Variants in TBC1D8 observed in about 807,000 individuals in gnomAD.
The protein encoded by TBC1D8 is BUB2-like protein 1.
A neutral mutation model predicts 118.8 loss-of-function variants in TBC1D8; 65 were observed. The ratio of observed to expected loss-of-function variants is 0.55; its 90% CI spans 0.45 to 0.67. TBC1D8 has a LOEUF of 0.67. Among genes scored for constraint, TBC1D8 ranks in the 30% least tolerant of loss-of-function variants. The pLI is 0.00. For synonymous variants in TBC1D8, 566 were observed against 595.8 expected (o/e 0.95, Z 0.73); for missense variants, 1,376 against 1,471.2 (o/e 0.94, Z 1.06).
At chr2:101,026,011 A>G (rs1037956682) in intron 15 of TBC1D8, among the ~76,000 whole-genome samples, 8 of 152,236 alleles carry the variant, frequency 5.3e-5, no homozygotes, top group Non-Finnish European at 1.2e-4. Context: ...AGGAAGGATA[A>G]AAACAGGAAA....
chr2:101,040,761 C>T (rs188328563), intron 5 of TBC1D8, among the ~76,000 whole-genome samples: 4 of 152,364 alleles, frequency 2.6e-5, no homozygotes, highest in East Asian at 1.9e-4. Context: ...TGAGCCACCG[C>T]GCCCAGCCAA....
intron 1 of TBC1D8, among the ~76,000 whole-genome samples, chr2:101,096,975 G>A (rs538897728): frequency 3.9e-5 from 6 of 152,018 alleles, no homozygotes; most frequent in South Asian, 4.1e-4. Context: ...ACCACAGATC[G>A]AAAAAGAACA....
At position 101,038,533 on chromosome 2, in the gene TBC1D8, C is replaced by G. The variant is rs540811181; in HGVS notation, c.1203G>C (p.Ala401=). ...GGACCTGCTTCAACCTCGCAAGCAGCGCCTCCACCAGGCTGTCTCGGTCCC... is the reference window on the plus strand; with the variant it reads ...GGACCTGCTTCAACCTCGCAAGCAGGGCCTCCACCAGGCTGTCTCGGTCCC... The part of the protein sequence containing the change: ...ELRDRDSLVE[A]LLARLKQVHA... Residue 401 remains alanine (A), a synonymous_variant, in exon 7 of 20, where the codon GCG becomes GCC. Coordinates refer to ENST00000409318, the MANE Select transcript of TBC1D8 (RefSeq NM_001330348.2). The G allele has an allele frequency of 6.2e-7, 1 of 1,613,778 alleles. No homozygotes were observed. The highest frequency in any genetic ancestry group is 1.7e-5 in the Admixed American group (1 of 60,020).
intron 1 of TBC1D8, among the ~76,000 whole-genome samples, chr2:101,148,372 C>G (rs1261995988): frequency 1.3e-5 from 2 of 152,108 alleles, no homozygotes; most frequent in Admixed American, 6.5e-5. Context: ...GTTTCCTGAA[C>G]AAATATGCTG....
chr2:101,124,809 G>A (rs750840064), intron 1 of TBC1D8, among the ~76,000 whole-genome samples: 38 of 152,208 alleles, frequency 2.5e-4, no homozygotes, highest in Admixed American at 5.9e-4. Flanking sequence ...ACTACAATCA[G>A]AGAGTGATGA....
intron 15 of TBC1D8, among the ~76,000 whole-genome samples, chr2:101,026,702 C>A (rs568110441): frequency 7.9e-5 from 12 of 152,314 alleles, no homozygotes; most frequent in African/African-American, 2.9e-4. Flanking sequence ...CAGGAGTCCA[C>A]AACGTGCCTG....
At chr2:101,129,302 G>A (rs1207642942) in intron 1 of TBC1D8, among the ~76,000 whole-genome samples, 3 of 151,908 alleles carry the variant, frequency 2.0e-5, no homozygotes, top group Non-Finnish European at 4.4e-5. Flanking sequence ...CACCACACCT[G>A]GCTAATGTTT....
chr2:101,117,821 C>A (rs781297156), intron 1 of TBC1D8, among the ~76,000 whole-genome samples: 1 of 150,612 alleles, frequency 6.6e-6, no homozygotes, highest in Non-Finnish European at 1.5e-5. Flanking sequence ...GTGATCCGCC[C>A]GGCTCGGCCT....
At chr2:101,012,738 A>C (rs1206453207) in intron 17 of TBC1D8, among the ~76,000 whole-genome samples, 1 of 152,234 alleles carries the variant, frequency 6.6e-6, no homozygotes, top group East Asian at 1.9e-4. Flanking sequence ...ATGACAGGGA[A>C]GGTTCCCCAT....
intron 1 of TBC1D8, among the ~76,000 whole-genome samples, chr2:101,100,406 A>G (rs1440065043): frequency 6.6e-6 from 1 of 152,214 alleles, no homozygotes; most frequent in Non-Finnish European, 1.5e-5. Flanking sequence ...ATGGATAGGA[A>G]GAATCAATAT....
rs1450670952 is a variant in TBC1D8 at position 101,085,651 on chromosome 2, GC to G, written c.283+4557del. ...CTAAAGAAAATGAATGGATGAGAACGCAAGGTTCCAAAGAAGAGATTCTGTG... is the reference window on the plus strand; with the variant it reads ...CTAAAGAAAATGAATGGATGAGAACGAAGGTTCCAAAGAAGAGATTCTGTG... On this transcript the variant is annotated intron_variant, in intron 2 of 19. Transcript: ENST00000409318. Among the ~76,000 whole-genome samples, 5 of 152,260 alleles carry G rather than the reference GC, an allele frequency of 3.3e-5. No individual in the cohort carries two copies. The East Asian group carries it at 9.7e-4, about 29-fold the overall frequency.
intron 1 of TBC1D8, among the ~76,000 whole-genome samples, chr2:101,094,527 A>G (rs1171319911): frequency 6.6e-6 from 1 of 152,220 alleles, no homozygotes; most frequent in African/African-American, 2.4e-5. Context: ...ACTCATATCT[A>G]GTTTGATAAA....
intron 8 of TBC1D8, among the ~76,000 whole-genome samples, 160 bp from the exon 9 acceptor site, chr2:101,036,328 C>A (rs914832874): frequency 6.6e-6 from 1 of 152,114 alleles, no homozygotes; most frequent in African/African-American, 2.4e-5. Context: ...TATTTCTGAA[C>A]CTTTACTGGG....
intron 17 of TBC1D8, among the ~76,000 whole-genome samples, chr2:101,015,599 T>C (rs1205741968): frequency 1.3e-5 from 2 of 152,210 alleles, no homozygotes; most frequent in African/African-American, 4.8e-5. Flanking sequence ...TCTTTTTAAC[T>C]TTTCTGTTAA....
At chr2:101,023,180 G>T (rs982290947) in intron 15 of TBC1D8, among the ~76,000 whole-genome samples, 1 of 145,168 alleles carries the variant, frequency 6.9e-6, no homozygotes, top group African/African-American at 2.5e-5. Context: ...AGTCTCGCTC[G>T]GTCACCCAGG....
At chr2:101,083,636 A>G (rs557254493) in intron 2 of TBC1D8, among the ~76,000 whole-genome samples, 3 of 152,268 alleles carry the variant, frequency 2.0e-5, no homozygotes, top group South Asian at 4.1e-4. Context: ...AAAAAGGAAA[A>G]AAACTTAACC....
chr2:101,023,767 C>G, intron 15 of TBC1D8: 1 of 285,742 alleles, frequency 3.5e-6, no homozygotes, highest in South Asian at 3.1e-5. Flanking sequence ...TTGGACATCC[C>G]AATTCACAAA....
At chr2:101,076,608 C>T (rs1235345487) in intron 2 of TBC1D8, among the ~76,000 whole-genome samples, 2 of 152,228 alleles carry the variant, frequency 1.3e-5, no homozygotes, top group East Asian at 3.9e-4. Context: ...CAGGATATTC[C>T]ACATAAAAAT....
intron 15 of TBC1D8, 119 bp downstream of exon 15, chr2:101,027,264 T>A (rs1302990956): frequency 1.1e-6 from 1 of 882,020 alleles, no homozygotes; most frequent in Non-Finnish European, 1.8e-6. Context: ...GGGGGGCAGC[T>A]CCGGCCTCTG....
Sources: allele counts gnomAD v4.1 joint callset (sites outside exome capture counted in the v4.1 genomes callset), GRCh38; gene constraint gnomAD v4.1.1; transcripts MANE v1.5; gene names NCBI Gene and HGNC (gene_info 2026-07-23, HGNC 2026-07-21).